MIPEP: variants seen among roughly 807,000 people sequenced by gnomAD.
MIPEP encodes mitochondrial intermediate peptidase.
MIPEP carries 79 observed loss-of-function variants against 90.3 expected under a neutral mutation model. The ratio of observed to expected loss-of-function variants is 0.87; its 90% CI spans 0.73 to 1.05. The LOEUF (loss-of-function observed/expected upper bound fraction) is 1.05. Ranked by LOEUF, MIPEP falls within the 50% of genes least tolerant of loss-of-function variation. The pLI is 0.00. For missense variants in MIPEP, 940 were observed against 905.6 expected (o/e 1.04, Z -0.49); for synonymous variants, 334 against 315.8 (o/e 1.06, Z -0.61).
intron 14 of MIPEP, among the ~76,000 whole-genome samples, chr13:23,821,747 A>G (rs760018402): frequency 1.1e-4 from 16 of 152,244 alleles, no homozygotes; most frequent in Non-Finnish European, 1.9e-4. Flanking sequence ...CAGATAACCT[A>G]GATGCATATC....
chr13:23,888,820 A>G (rs1410053456), intron 1 of MIPEP: 1 of 956,806 alleles, frequency 1.0e-6, no homozygotes, highest in African/African-American at 1.7e-5. Flanking sequence ...GTGTATGCAG[A>G]GGGCGGGTCC....
At chr13:23,819,357 G>A (rs757727862) in intron 14 of MIPEP, among the ~76,000 whole-genome samples, 1 of 152,236 alleles carries the variant, frequency 6.6e-6, no homozygotes, top group South Asian at 2.1e-4. Flanking sequence ...TTGCTTTAAC[G>A]CTTACAAAAG....
intron 16 of MIPEP, among the ~76,000 whole-genome samples, chr13:23,778,567 T>A (rs888538159): frequency 6.6e-6 from 1 of 152,184 alleles, no homozygotes; most frequent in Admixed American, 6.5e-5. Context: ...AACACACAGA[T>A]TCCCATCAAT....
At chr13:23,751,948 G>T (rs1288884930) in intron 18 of MIPEP, among the ~76,000 whole-genome samples, 1 of 151,476 alleles carries the variant, frequency 6.6e-6, no homozygotes, top group Non-Finnish European at 1.5e-5. Context: ...CTTGGAGATC[G>T]TTAAGAGAAC....
At chr13:23,816,294 A>C (rs1273799592) in intron 14 of MIPEP, among the ~76,000 whole-genome samples, 1 of 152,130 alleles carries the variant, frequency 6.6e-6, no homozygotes, top group Non-Finnish European at 1.5e-5. Flanking sequence ...CATGTATGTT[A>C]CACTGGCTGG....
At chr13:23,871,976 G>GA (rs1310770004) in intron 5 of MIPEP, among the ~76,000 whole-genome samples, 2 of 152,010 alleles carry the variant, frequency 1.3e-5, no homozygotes, top group African/African-American at 4.8e-5. Context: ...AAAACCTCTG[G>GA]AAAAATCAAA....
At chr13:23,883,512 T>C (rs1427173786) in intron 2 of MIPEP, among the ~76,000 whole-genome samples, 1 of 152,194 alleles carries the variant, frequency 6.6e-6, no homozygotes, top group Non-Finnish European at 1.5e-5. Context: ...GTGTAGTACT[T>C]GCATATAACC....
chr13:23,889,088 G>C, intron 1 of MIPEP, 44 bp downstream of exon 1: 1 of 1,365,582 alleles, frequency 7.3e-7, no homozygotes, highest in Non-Finnish European at 9.5e-7. Flanking sequence ...AGCAGGGGTC[G>C]GCTTAGCTCG....
intron 14 of MIPEP, among the ~76,000 whole-genome samples, chr13:23,815,746 A>G (rs531857843): frequency 3.3e-5 from 5 of 152,198 alleles, no homozygotes; most frequent in Non-Finnish European, 5.9e-5. Context: ...AAAACCCCAC[A>G]ATGAAATAAA....
intron 18 of MIPEP, among the ~76,000 whole-genome samples, chr13:23,737,622 T>C (rs1365622334): frequency 1.3e-5 from 2 of 152,170 alleles, no homozygotes; most frequent in African/African-American, 2.4e-5. Context: ...GAACATATAA[T>C]CCAACCAGAC....
At chr13:23,779,541 G>A (rs1257703126) in intron 16 of MIPEP, among the ~76,000 whole-genome samples, 1 of 152,178 alleles carries the variant, frequency 6.6e-6, no homozygotes, top group Non-Finnish European at 1.5e-5. Flanking sequence ...TGACGCAGAA[G>A]ACGGGTGATT....
intron 15 of MIPEP, among the ~76,000 whole-genome samples, chr13:23,807,286 A>G (rs557003505): frequency 6.6e-6 from 1 of 152,358 alleles, no homozygotes; most frequent in Admixed American, 6.5e-5. Flanking sequence ...GTTTTTCAAC[A>G]CTGACTTGAA....
intron 18 of MIPEP, among the ~76,000 whole-genome samples, chr13:23,746,785 C>T (rs1405071581): frequency 6.6e-6 from 1 of 152,090 alleles, no homozygotes; most frequent in Non-Finnish European, 1.5e-5. Context: ...CTGACATCAT[C>T]TAAAAATGGA....
At chr13:23,886,284 T>C in intron 2 of MIPEP, 49 bp downstream of exon 2, 1 of 1,347,698 alleles carries the variant, frequency 7.4e-7, no homozygotes, top group Non-Finnish European at 9.7e-7. Context: ...ACTTAAATTT[T>C]AACAAGTTGA....
At chr13:23,874,166 TG>T (rs1485857989) in intron 5 of MIPEP, among the ~76,000 whole-genome samples, 1 of 151,894 alleles carries the variant, frequency 6.6e-6, no homozygotes, top group Non-Finnish European at 1.5e-5. Context: ...TGCAGGTGAG[TG>T]GGGGAGACTG....
At chr13:23,848,692 G>T (rs9553079) in intron 10 of MIPEP, among the ~76,000 whole-genome samples, 6 of 152,002 alleles carry the variant, frequency 3.9e-5, no homozygotes, top group Non-Finnish European at 7.4e-5. Flanking sequence ...CACTCAAAGG[G>T]GAAGAAAGAG....
In MIPEP at chr13:23,865,774, G is replaced by A. The variant is rs1024608396; in HGVS notation, c.944-1585C>T. On this transcript the variant is annotated intron_variant, in intron 7 of 18. Coordinates refer to ENST00000382172, the MANE Select transcript of MIPEP (RefSeq NM_005932.4). Reference sequence around the variant, plus strand: ...AACCTCTGCCTCCCAGGGTTCAATCGATTCTCCTGTCTCAGCTTCCTGAGT... The same window carrying A: ...AACCTCTGCCTCCCAGGGTTCAATCAATTCTCCTGTCTCAGCTTCCTGAGT... 7.9e-5 allele frequency among the ~76,000 whole-genome samples: 12 copies of A among 151,042 alleles called. 2 individuals carry two copies. In the South Asian group the frequency reaches 2.5e-3, roughly 32 times the overall value.
intron 17 of MIPEP, among the ~76,000 whole-genome samples, chr13:23,758,364 C>T (rs1952507698): frequency 6.6e-6 from 1 of 152,188 alleles, no homozygotes. Context: ...TAGAAATTTT[C>T]TAGTCTAGTG....
Position 23,730,308 on chromosome 13 carries a change from A to T in MIPEP, c.*40T>A. The T allele has an allele frequency of 1.5e-6, 2 of 1,296,522 alleles. No homozygotes were observed. Among genetic ancestry groups the T allele is most frequent in the Non-Finnish European group, 2.2e-6 (2 of 901,074 alleles). The allele number at this position is 1,296,522 out of a possible 1,614,324, so 80.3% of individuals were successfully genotyped here. A position where few individuals can be genotyped will look rare whatever the true frequency, so the allele number is the denominator to read the frequency against. Reference sequence around the variant, plus strand: ...CTGTAGCATTTATAACAAAGTCATTATCTACATGACCTTGATTTAAGAGGT... The same window carrying T: ...CTGTAGCATTTATAACAAAGTCATTTTCTACATGACCTTGATTTAAGAGGT... On this transcript the variant is annotated 3_prime_UTR_variant, in exon 19 of 19. Transcript: ENST00000382172.
Sources: gnomAD v4.1 joint callset for allele counts (sites outside exome capture counted in the v4.1 genomes callset) on GRCh38, gnomAD v4.1.1 for gene constraint, MANE v1.5 for transcripts, NCBI Gene and HGNC (gene_info 2026-07-23, HGNC 2026-07-21) for gene names.